Variants in LHCGR observed in about 807,000 individuals in gnomAD.
LHCGR encodes lutropin-choriogonadotropic hormone receptor.
Under a neutral mutation model 60.7 loss-of-function variants are expected in LHCGR, and 55 were observed. The ratio of observed to expected loss-of-function variants is 0.91; its 90% CI spans 0.73 to 1.13. The LOEUF (loss-of-function observed/expected upper bound fraction) is 1.13. Among genes scored for constraint, LHCGR ranks in the 50% most tolerant of loss-of-function variants. The pLI, the probability that LHCGR is intolerant of heterozygous loss-of-function variation, is 0.00. For synonymous variants in LHCGR, 337 were observed against 316.5 expected, an observed-to-expected ratio of 1.06 and a Z score of -0.69; for missense variants, 862 against 836.0, an observed-to-expected ratio of 1.03 and a Z score of -0.38.
intron 7 of LHCGR, among the ~76,000 whole-genome samples, chr2:48,709,529 C>G (rs1258682382): frequency 1.3e-5 from 2 of 152,148 alleles, no homozygotes; most frequent in South Asian, 4.2e-4. Context: ...CATTCTTTTT[C>G]TTTCAGATAT....
chr2:48,725,688 C>A lies in LHCGR; in HGVS notation c.371G>T (p.Arg124Leu). The A allele has an allele frequency of 6.2e-7, 1 of 1,612,052 alleles. No individual in the cohort carries two copies. The highest frequency in any genetic ancestry group is 8.5e-7 in the Non-Finnish European group (1 of 1,178,438). Residue 124 changes from arginine (R) to leucine (L), a missense_variant, in exon 4 of 11, where the codon CGA (arginine) becomes CTA (leucine). Arg to Leu is a moderately radical substitution (Grantham distance 102, BLOSUM62 -2). Transcript: ENST00000294954. ...GAAAATTTCTCACAAGTATTTTAAT[C>A]GGGGAAGATTTATAAATGCTCCGGG... ...IEPGAFINLP[R>L]LKYLSICNTG... is the part of the protein sequence containing the mutation.
At chr2:48,719,837 A>T (rs1668423392) in intron 6 of LHCGR, among the ~76,000 whole-genome samples, 2 of 152,182 alleles carry the variant, frequency 1.3e-5, no homozygotes, top group Non-Finnish European at 2.9e-5. Context: ...ATTATTTTCT[A>T]ATTAGAGAGT....
chr2:48,692,611 A>G (rs894865068), intron 10 of LHCGR, among the ~76,000 whole-genome samples: 1 of 152,312 alleles, frequency 6.6e-6, no homozygotes, highest in East Asian at 1.9e-4. Context: ...GCTTAGTAAT[A>G]TTGAATCAGA....
At position 48,755,655 on chromosome 2, in the gene LHCGR, G is replaced by A. The variant is rs1558913953; in HGVS notation, c.17C>T (p.Ser6Leu). ...CAGCAGCTTCAGCAGCTGCAGCGCCGAGAACCGCTGCTTCATGGCCGGCGA... is the reference window on the plus strand; with the variant it reads ...CAGCAGCTTCAGCAGCTGCAGCGCCAAGAACCGCTGCTTCATGGCCGGCGA... MKQRF[S>L]ALQLLKLLLL... is the part of the protein sequence containing the mutation. The change falls in exon 1 of 11, where the codon TCG (serine) becomes TTG (leucine). Residue 6 changes from serine to leucine, a missense_variant. By Grantham distance (145) the Ser-to-Leu change is moderately radical. Transcript: ENST00000294954. The A allele has an allele frequency of 3.9e-6, 6 of 1,534,944 alleles. No individual in the cohort carries two copies. Among genetic ancestry groups the A allele is most frequent in the Admixed American group, 3.9e-5 (2 of 50,974 alleles).
chr2:48,729,211 C>G lies in LHCGR; in HGVS notation c.250G>C (p.Asp84His), dbSNP rs200707752. Residue 84 changes from aspartate to histidine, a missense_variant, in exon 3 of 11, where the codon GAT becomes CAT. Transcript: ENST00000294954. The stretch of plus-strand genomic sequence containing the variant: ...TTAGCTTCTATCCTTTCCAGGGAAT[C>G]AATCTGAGAGATTTCACTAGGGAAG... ...EVIKIEISQI[D>H]SLERIEANAF... 6.2e-7 allele frequency: 1 copy of G among 1,609,694 alleles called. No individual in the cohort carries two copies. The highest frequency in any genetic ancestry group is 8.5e-7 in the Non-Finnish European group (1 of 1,177,332).
intron 7 of LHCGR, among the ~76,000 whole-genome samples, chr2:48,713,518 A>G (rs762538768): frequency 6.6e-6 from 1 of 152,156 alleles, no homozygotes; most frequent in Non-Finnish European, 1.5e-5. Flanking sequence ...AAAGCTCCCT[A>G]CCTTGTGGAA....
chr2:48,740,751 G>T (rs1053341597), intron 1 of LHCGR, among the ~76,000 whole-genome samples: 1 of 152,156 alleles, frequency 6.6e-6, no homozygotes, highest in South Asian at 2.1e-4. Flanking sequence ...AAAAAACAGA[G>T]CAGAAAAACT....
At chr2:48,702,187 A>G (rs984425206) in intron 8 of LHCGR, among the ~76,000 whole-genome samples, 2 of 151,646 alleles carry the variant, frequency 1.3e-5, no homozygotes, top group Admixed American at 1.3e-4. Context: ...TCTCTGCAGG[A>G]TGTTGGATGT....
intron 1 of LHCGR, among the ~76,000 whole-genome samples, chr2:48,738,806 T>G (rs986655324): frequency 6.6e-6 from 1 of 152,242 alleles, no homozygotes; most frequent in African/African-American, 2.4e-5. Flanking sequence ...TGATAACATA[T>G]TGAAATGAGA....
intron 6 of LHCGR, 116 bp downstream of exon 6, chr2:48,723,340 A>G: frequency 1.3e-6 from 1 of 777,626 alleles, no homozygotes; most frequent in Non-Finnish European, 2.3e-6. Context: ...TAGGTTAAGA[A>G]GAATGTCACC....
chr2:48,701,622 C>A (rs576900272), intron 8 of LHCGR, among the ~76,000 whole-genome samples: 20 of 152,128 alleles, frequency 1.3e-4, no homozygotes, highest in Non-Finnish European at 1.5e-4. Context: ...ACTCCTTTCC[C>A]CCCAACCAAA....
chr2:48,693,493 G>C (rs1164544865), intron 10 of LHCGR, among the ~76,000 whole-genome samples: 3 of 152,192 alleles, frequency 2.0e-5, no homozygotes, highest in South Asian at 2.1e-4. Flanking sequence ...GATAGGAAAA[G>C]AAAAGAAGAG....
intron 1 of LHCGR, among the ~76,000 whole-genome samples, chr2:48,746,721 A>G (rs763820877): frequency 6.6e-6 from 1 of 152,262 alleles, no homozygotes; most frequent in Non-Finnish European, 1.5e-5. Flanking sequence ...AAGTATATCT[A>G]AGCCCTTACT....
chr2:48,725,575 G>A, intron 4 of LHCGR, 101 bp downstream of exon 4: 1 of 836,492 alleles, frequency 1.2e-6, no homozygotes. Flanking sequence ...ATAGTGCCAT[G>A]TATATGGTTA....
At chr2:48,722,120 A>G (rs1668525195) in intron 6 of LHCGR, among the ~76,000 whole-genome samples, 1 of 152,228 alleles carries the variant, frequency 6.6e-6, no homozygotes, top group Non-Finnish European at 1.5e-5. Flanking sequence ...ACTGCACTCC[A>G]GCCTGGTGAC....
chr2:48,688,114 G>T lies in LHCGR; in HGVS notation c.1683C>A (p.Thr561=). 6.2e-7 allele frequency: 1 copy of T among 1,614,088 alleles called. No homozygotes were observed. Among genetic ancestry groups the T allele is most frequent in the Non-Finnish European group, 8.5e-7 (1 of 1,180,010 alleles). Residue 561 remains threonine, a synonymous_variant, in exon 11 of 11, where the codon ACC becomes ACA. Coordinates refer to ENST00000294954, the MANE Select transcript of LHCGR (RefSeq NM_000233.4). The surrounding 1 kb of genome is among the most constrained non-coding windows in gnomAD (Gnocchi z 5.2). ...TCTTAGCAATCTTTGTATCTTTATT[G>T]GTAGCCATTAATTCTGGGTTTCGAA... ...FAVRNPELMA[T]NKDTKIAKKM... is the part of the protein sequence containing the mutation.
chr2:48,704,548 C>T (rs540329541), intron 8 of LHCGR, among the ~76,000 whole-genome samples: 2 of 152,118 alleles, frequency 1.3e-5, no homozygotes, highest in Admixed American at 1.3e-4. Flanking sequence ...AGGCTATTAA[C>T]TATTGCCTCA....
intron 10 of LHCGR, among the ~76,000 whole-genome samples, chr2:48,690,009 G>A (rs1052903979): frequency 2.0e-5 from 3 of 152,156 alleles, no homozygotes; most frequent in Admixed American, 6.5e-5. Context: ...CACCACGCCC[G>A]GCCCAGGTTT....
intron 6 of LHCGR, among the ~76,000 whole-genome samples, chr2:48,723,233 C>T (rs754463127): frequency 1.3e-5 from 2 of 152,198 alleles, no homozygotes; most frequent in Admixed American, 6.5e-5. Context: ...TAAAAATCCT[C>T]AGGGCCTGTT....
Sources: allele counts gnomAD v4.1 joint callset (sites outside exome capture counted in the v4.1 genomes callset), GRCh38; gene constraint gnomAD v4.1.1; non-coding constraint Gnocchi (gnomAD v3.1); transcripts MANE v1.5; gene names NCBI Gene and HGNC (gene_info 2026-07-23, HGNC 2026-07-21).